MYT1L: variants seen among roughly 807,000 people sequenced by gnomAD.
MYT1L encodes myelin transcription factor 1-like protein.
Under a neutral mutation model 126.7 loss-of-function variants are expected in MYT1L, and 12 were observed. That is an observed-to-expected ratio of 0.09 (90% CI 0.06 to 0.15). The LOEUF (loss-of-function observed/expected upper bound fraction) is 0.15. MYT1L is among the 10% of genes least tolerant of loss of function. The pLI, the probability that MYT1L is intolerant of heterozygous loss-of-function variation, is 1.00. For missense variants in MYT1L, 979 were observed against 1,585.2 expected (o/e 0.62, Z 6.49); for synonymous variants, 541 against 604.2 (o/e 0.90, Z 1.53).
At chr2:2,298,525 A>G (rs2095733472) in intron 1 of MYT1L, among the ~76,000 whole-genome samples, 5 of 152,250 alleles carry the variant, frequency 3.3e-5, no homozygotes, top group Admixed American at 3.3e-4. Context: ...TTTCATTCAA[A>G]GTGAACTTTT....
chr2:2,097,757 G>A (rs2077600902), intron 3 of MYT1L, among the ~76,000 whole-genome samples: 1 of 152,158 alleles, frequency 6.6e-6, no homozygotes, highest in African/African-American at 2.4e-5. Flanking sequence ...TATATGATGA[G>A]TCATCAGTGC....
intron 15 of MYT1L, among the ~76,000 whole-genome samples, chr2:1,891,720 C>A (rs1323844811): frequency 1.3e-5 from 2 of 152,190 alleles, no homozygotes; most frequent in African/African-American, 4.8e-5. Context: ...TCACTGGAGA[C>A]CACAGGAGGC....
chr2:2,274,616 A>T (rs750860948), intron 2 of MYT1L, among the ~76,000 whole-genome samples: 1 of 152,224 alleles, frequency 6.6e-6, no homozygotes, highest in South Asian at 2.1e-4. Context: ...GAGTAGCCTG[A>T]GAAAGAAGGT....
chr2:2,017,584 T>C (rs2064556411), intron 4 of MYT1L, among the ~76,000 whole-genome samples: 1 of 152,200 alleles, frequency 6.6e-6, no homozygotes, highest in African/African-American at 2.4e-5. Context: ...TAGACACAAC[T>C]CTTTCATCCC....
At chr2:2,232,245 GA>G (rs1282093659) in intron 2 of MYT1L, among the ~76,000 whole-genome samples, 5 of 152,220 alleles carry the variant, frequency 3.3e-5, no homozygotes, top group Non-Finnish European at 7.3e-5. Flanking sequence ...AGAAAAGGCA[GA>G]AAAGGAGAGG....
chr2:1,895,400 A>G (rs2049442877), intron 14 of MYT1L, among the ~76,000 whole-genome samples: 1 of 152,236 alleles, frequency 6.6e-6, no homozygotes, highest in African/African-American at 2.4e-5. Context: ...CAAATAGCCA[A>G]AGCAATCCTA....
At chr2:1,923,410 G>A (rs2053827824) in intron 9 of MYT1L, 147 bp from the exon 10 acceptor site, 2 of 711,806 alleles carry the variant, frequency 2.8e-6, no homozygotes, top group South Asian at 2.1e-5. Flanking sequence ...ATTTGCAGCT[G>A]GGTTGAAAAA....
chr2:2,043,155 T>C (rs2067746334), intron 4 of MYT1L, among the ~76,000 whole-genome samples: 1 of 152,140 alleles, frequency 6.6e-6, no homozygotes, highest in Non-Finnish European at 1.5e-5. Flanking sequence ...CCAAAATCAC[T>C]CTGCAAAGAT....
intron 14 of MYT1L, among the ~76,000 whole-genome samples, chr2:1,901,044 G>A (rs1309380512): frequency 6.6e-6 from 1 of 152,198 alleles, no homozygotes; most frequent in Non-Finnish European, 1.5e-5. Context: ...TGCTCCAGAA[G>A]AAACCCATGG....
intron 8 of MYT1L, among the ~76,000 whole-genome samples, chr2:1,978,392 C>T (rs1041565989): frequency 2.6e-5 from 4 of 152,156 alleles, no homozygotes; most frequent in Non-Finnish European, 4.4e-5. Flanking sequence ...ATAATTGAAA[C>T]CTTTCTATTG....
At chr2:1,956,021 T>C (rs1483608489) in intron 8 of MYT1L, among the ~76,000 whole-genome samples, 1 of 152,080 alleles carries the variant, frequency 6.6e-6, no homozygotes, top group Non-Finnish European at 1.5e-5. Flanking sequence ...GCTGTAGATC[T>C]TCATCATCCC....
chr2:1,906,263 T>G (rs1440351564), intron 13 of MYT1L, among the ~76,000 whole-genome samples: 1 of 152,228 alleles, frequency 6.6e-6, no homozygotes, highest in African/African-American at 2.4e-5. Flanking sequence ...GCTTCCATTT[T>G]ACATGAGATT....
chr2:2,005,361 T>C (rs2063149433), intron 4 of MYT1L, among the ~76,000 whole-genome samples: 2 of 151,388 alleles, frequency 1.3e-5, no homozygotes, highest in South Asian at 4.2e-4. Flanking sequence ...GCATGCGTTC[T>C]TTCCTGCATG....
chr2:2,220,256 A>G (rs2093818736), intron 2 of MYT1L, among the ~76,000 whole-genome samples: 1 of 152,228 alleles, frequency 6.6e-6, no homozygotes, highest in African/African-American at 2.4e-5. Context: ...AAGACATGAG[A>G]CATCAATCAA....
intron 2 of MYT1L, among the ~76,000 whole-genome samples, chr2:2,273,295 G>A (rs1403554828): frequency 1.3e-5 from 2 of 152,106 alleles, no homozygotes; most frequent in Admixed American, 1.3e-4. Context: ...GTAAGAACAA[G>A]GATTTTCCTT....
At chr2:1,896,358 C>T (rs2049563658) in intron 14 of MYT1L, among the ~76,000 whole-genome samples, 2 of 152,152 alleles carry the variant, frequency 1.3e-5, no homozygotes. Flanking sequence ...GAAAATAGAT[C>T]GTTGTACCAG....
chr2:2,149,814 T>C (rs2085457176), intron 3 of MYT1L, among the ~76,000 whole-genome samples: 2 of 151,584 alleles, frequency 1.3e-5, no homozygotes, highest in South Asian at 4.2e-4. Context: ...TGCAGACAAG[T>C]TGGTCTCAAA....
intron 3 of MYT1L, among the ~76,000 whole-genome samples, chr2:2,111,284 C>A (rs948913534): frequency 5.3e-5 from 8 of 152,158 alleles, no homozygotes; most frequent in African/African-American, 1.9e-4. Flanking sequence ...CCTTGGCATC[C>A]CCGCCTGGTG....
intron 22 of MYT1L, among the ~76,000 whole-genome samples, chr2:1,805,716 T>A (rs2035593241): frequency 6.6e-6 from 1 of 152,046 alleles, no homozygotes; most frequent in South Asian, 2.1e-4. Flanking sequence ...CGAAGCCCCA[T>A]CTCTACCAAA....
Sources: allele counts gnomAD v4.1 joint callset (sites outside exome capture counted in the v4.1 genomes callset), GRCh38; gene constraint gnomAD v4.1.1; transcripts MANE v1.5; gene names NCBI Gene and HGNC (gene_info 2026-07-23, HGNC 2026-07-21).